CNTNAP2: variants seen among roughly 807,000 people sequenced by gnomAD.
The protein encoded by CNTNAP2 is contactin-associated protein-like 2.
In CNTNAP2, 98 loss-of-function variants were observed where a neutral mutation model predicts 155.2. The ratio of observed to expected loss-of-function variants is 0.63; its 90% confidence interval spans 0.54 to 0.75. The LOEUF is 0.75. Ranked by LOEUF, CNTNAP2 falls within the 30% of genes least tolerant of loss-of-function variation. The pLI, the probability that CNTNAP2 is intolerant of heterozygous loss-of-function variation, is 0.00. For synonymous variants in CNTNAP2, 651 were observed against 631.2 expected, an observed-to-expected ratio of 1.03 and a Z score of -0.47; for missense variants, 1,727 against 1,688.1, an observed-to-expected ratio of 1.02 and a Z score of -0.40.
chr7:146,574,829 G>A (rs2098126), intron 1 of CNTNAP2, among the ~76,000 whole-genome samples: 122,625 of 152,124 alleles, frequency 0.81, 49,962 homozygotes, highest in South Asian at 0.88. Flanking sequence ...TGAAAGGAGT[G>A]GGAACAGTAG....
chr7:148,272,072 T>C (rs1796790262), intron 21 of CNTNAP2, among the ~76,000 whole-genome samples: 2 of 152,140 alleles, frequency 1.3e-5, no homozygotes, highest in African/African-American at 4.8e-5. Flanking sequence ...AGAAAAAGGA[T>C]GAAAGAAAGG....
At chr7:147,609,241 A>G (rs1313241628) in intron 12 of CNTNAP2, among the ~76,000 whole-genome samples, 2 of 152,114 alleles carry the variant, frequency 1.3e-5, no homozygotes, top group Non-Finnish European at 2.9e-5. Context: ...GCCCTTTAAG[A>G]AGGTGGTGGG....
At chr7:147,375,035 T>G (rs935378116) in intron 9 of CNTNAP2, among the ~76,000 whole-genome samples, 1 of 151,992 alleles carries the variant, frequency 6.6e-6, no homozygotes, top group African/African-American at 2.4e-5. Context: ...TCATGAGATC[T>G]GATGGTTTTA....
At chr7:146,954,308 A>G (rs1221994528) in intron 3 of CNTNAP2, among the ~76,000 whole-genome samples, 2 of 151,936 alleles carry the variant, frequency 1.3e-5, no homozygotes, top group East Asian at 1.9e-4. Context: ...TCTGAAATGT[A>G]TGCTTTGCTG....
intron 8 of CNTNAP2, among the ~76,000 whole-genome samples, chr7:147,221,303 A>C (rs1803394581): frequency 6.6e-6 from 1 of 152,196 alleles, no homozygotes; most frequent in Non-Finnish European, 1.5e-5. Flanking sequence ...TGTTAAATCA[A>C]TTAAGAATAA....
chr7:147,866,937 A>C (rs796246445), intron 13 of CNTNAP2, among the ~76,000 whole-genome samples: 6 of 152,288 alleles, frequency 3.9e-5, no homozygotes, highest in African/African-American at 1.4e-4. Flanking sequence ...TGGGGCTTTT[A>C]GCCCATTTAC....
chr7:148,125,958 C>T (rs1311234042), intron 16 of CNTNAP2, among the ~76,000 whole-genome samples: 1 of 152,096 alleles, frequency 6.6e-6, no homozygotes, highest in Non-Finnish European at 1.5e-5. Context: ...CTGCCTCCAC[C>T]TCCCAAAGAA....
intron 3 of CNTNAP2, among the ~76,000 whole-genome samples, chr7:147,033,458 C>T (rs184797580): frequency 1.1e-4 from 16 of 151,940 alleles, no homozygotes; most frequent in African/African-American, 3.9e-4. Flanking sequence ...AACCCTTACA[C>T]ATTACCCTGG....
chr7:147,790,790 T>C (rs1466159504), intron 13 of CNTNAP2, among the ~76,000 whole-genome samples: 2 of 152,246 alleles, frequency 1.3e-5, no homozygotes, highest in Non-Finnish European at 2.9e-5. Context: ...TGTTGGGTAA[T>C]ATAAACCCTC....
intron 1 of CNTNAP2, among the ~76,000 whole-genome samples, chr7:146,233,406 A>G (rs1249081220): frequency 6.6e-6 from 1 of 152,128 alleles, no homozygotes; most frequent in Non-Finnish European, 1.5e-5. Context: ...ATGCTAAAAC[A>G]TGATGAAGCA....
intron 21 of CNTNAP2, among the ~76,000 whole-genome samples, chr7:148,301,569 AG>A (rs1563032661): frequency 6.6e-6 from 1 of 152,176 alleles, no homozygotes. Flanking sequence ...AAATACTTCT[AG>A]TTAATGTTTT....
At chr7:147,193,172 G>A (rs1054914204) in intron 8 of CNTNAP2, among the ~76,000 whole-genome samples, 1 of 152,102 alleles carries the variant, frequency 6.6e-6, no homozygotes. Flanking sequence ...GGTTATTCAT[G>A]TATTTTTCTA....
rs150247203 is a variant in CNTNAP2 at position 147,563,975 on chromosome 7, A to C, written c.1897+1718A>C. Among the ~76,000 whole-genome samples the C allele has an allele frequency of 7.3e-3, 1,116 of 152,278 alleles. 8 individuals are homozygous for C. Among genetic ancestry groups the C allele is most frequent in the Middle Eastern group, 0.048 (14 of 294 alleles). On this transcript the variant is annotated intron_variant, in intron 12 of 23. Coordinates refer to ENST00000361727, the MANE Select transcript of CNTNAP2 (RefSeq NM_014141.6). The stretch of plus-strand genomic sequence containing the variant: ...AGGGCATCAGTGTAGTATGGAAGAC[A>C]TGTGGAGAAGATAATAAAATGGAAG...
chr7:146,655,842 G>T (rs1799987991), intron 1 of CNTNAP2, among the ~76,000 whole-genome samples: 1 of 152,076 alleles, frequency 6.6e-6, no homozygotes, highest in Non-Finnish European at 1.5e-5. Context: ...AGTATTCTAT[G>T]ATTTCCTCTT....
intron 16 of CNTNAP2, among the ~76,000 whole-genome samples, chr7:148,145,663 T>C (rs1460176185): frequency 6.6e-6 from 1 of 152,198 alleles, no homozygotes; most frequent in Admixed American, 6.5e-5. Flanking sequence ...ACAGAACAGA[T>C]TTAATCTGAA....
At chr7:148,017,555 C>G (rs1461438592) in intron 15 of CNTNAP2, among the ~76,000 whole-genome samples, 1 of 152,140 alleles carries the variant, frequency 6.6e-6, no homozygotes, top group Non-Finnish European at 1.5e-5. Flanking sequence ...TGACTAAAAT[C>G]TATTCTGTAT....
intron 15 of CNTNAP2, among the ~76,000 whole-genome samples, chr7:148,108,939 C>A (rs1159637318): frequency 6.6e-6 from 1 of 151,982 alleles, no homozygotes; most frequent in East Asian, 1.9e-4. Flanking sequence ...CACTTTGTAC[C>A]CCATGAATTT....
chr7:147,252,497 T>G (rs1173182134), intron 8 of CNTNAP2, among the ~76,000 whole-genome samples: 1 of 152,186 alleles, frequency 6.6e-6, no homozygotes, highest in Non-Finnish European at 1.5e-5. Flanking sequence ...TAGTAAGTAA[T>G]TTTAACTTCC....
At chr7:148,013,915 T>C (rs1802127268) in intron 15 of CNTNAP2, among the ~76,000 whole-genome samples, 1 of 152,102 alleles carries the variant, frequency 6.6e-6, no homozygotes, top group African/African-American at 2.4e-5. Context: ...GGAAACAAGG[T>C]AGAGTTAGCT....
Sources: gnomAD v4.1 joint callset for allele counts (sites outside exome capture counted in the v4.1 genomes callset) on GRCh38, gnomAD v4.1.1 for gene constraint, MANE v1.5 for transcripts, NCBI Gene and HGNC (gene_info 2026-07-23, HGNC 2026-07-21) for gene names.